ATAD2B: variants seen among roughly 807,000 people sequenced by gnomAD.
ATAD2B encodes ATPase family AAA domain containing 2B.
ATAD2B carries 40 observed loss-of-function variants against 167.6 expected under a neutral mutation model. The observed-to-expected ratio is 0.24, with a 90% CI of 0.19 to 0.31. The LOEUF (loss-of-function observed/expected upper bound fraction) is 0.31, where lower values mean the gene tolerates loss of function less well. Among genes scored for constraint, ATAD2B ranks in the 10% least tolerant of loss-of-function variants. The pLI is 1.00. For synonymous variants in ATAD2B, 579 were observed against 596.5 expected, an observed-to-expected ratio of 0.97 and a Z score of 0.43; for missense variants, 1,242 against 1,757.2, an observed-to-expected ratio of 0.71 and a Z score of 5.24.
chr2:23,737,606 A>G, the ATAD2B span, among the ~76,000 whole-genome samples: 2 of 152,226 alleles, frequency 1.3e-5, no homozygotes, highest in Non-Finnish European at 2.9e-5. Context: ...GAAAAAACAG[A>G]GCAGGAAAAC....
chr2:23,823,111 C>T (rs1314193417), intron 16 of ATAD2B, 147 bp downstream of exon 16: 4 of 700,042 alleles, frequency 5.7e-6, no homozygotes, highest in Non-Finnish European at 9.3e-6. Context: ...TACCATATGC[C>T]AGGCAATATG....
At chr2:23,836,892 T>C (rs996184624) in intron 13 of ATAD2B, among the ~76,000 whole-genome samples, 1 of 152,074 alleles carries the variant, frequency 6.6e-6, no homozygotes, top group Non-Finnish European at 1.5e-5. Context: ...GGGGTGGCCA[T>C]GGGCAGGCCC....
chr2:23,917,987 G>A (rs1703300054), intron 1 of ATAD2B, among the ~76,000 whole-genome samples: 1 of 151,562 alleles, frequency 6.6e-6, no homozygotes, highest in African/African-American at 2.4e-5. Context: ...GAACGCCAGA[G>A]GCAGAGGTTA....
chr2:23,688,962 AAGG>A, the ATAD2B span: 7 of 152,338 alleles, frequency 4.6e-5, no homozygotes, highest in African/African-American at 1.7e-4. Context: ...GAAGAGGCCT[AAGG>A]AGCACTGGGG....
chr2:23,879,362 C>T (rs759162291), intron 7 of ATAD2B, among the ~76,000 whole-genome samples: 1 of 151,970 alleles, frequency 6.6e-6, no homozygotes, highest in Non-Finnish European at 1.5e-5. Flanking sequence ...CATCACAGTG[C>T]TTTGGAAGGC....
chr2:23,860,491 G>T lies in ATAD2B; in HGVS notation c.1479+2890C>A, dbSNP rs1260235392. Among the ~76,000 whole-genome samples the T allele has an allele frequency of 2.8e-4, 42 of 152,076 alleles. 1 individual carries two copies. Among genetic ancestry groups the T allele is most frequent in the Non-Finnish European group, 1.5e-5 (1 of 68,024 alleles). On this transcript the variant is annotated intron_variant, in intron 12 of 27. Coordinates refer to ENST00000238789, the MANE Select transcript of ATAD2B (RefSeq NM_017552.4). ...AGAAAGAATCTGATTTAAGATGAAT[G>T]AATATTAGATAACAAATGAGAAGTT... is the stretch of plus-strand genomic sequence containing the variant.
intron 1 of ATAD2B, among the ~76,000 whole-genome samples, chr2:23,896,525 A>T (rs1168484927): frequency 3.3e-5 from 5 of 152,110 alleles, no homozygotes. Context: ...GTGTGTTCTT[A>T]AACGTTTGGT....
the ATAD2B span, among the ~76,000 whole-genome samples, chr2:23,699,809 C>T: frequency 1.3e-5 from 2 of 152,210 alleles, no homozygotes; most frequent in African/African-American, 2.4e-5. Context: ...CACTGCAAGG[C>T]AGCCTTTCTG....
intron 27 of ATAD2B, among the ~76,000 whole-genome samples, chr2:23,753,058 G>A (rs1675539864): frequency 1.3e-5 from 2 of 152,152 alleles, no homozygotes; most frequent in South Asian, 4.2e-4. Context: ...TTATTCAGGT[G>A]GGCAAATGTC....
intron 19 of ATAD2B, among the ~76,000 whole-genome samples, chr2:23,790,965 C>T (rs1386910155): frequency 6.6e-6 from 1 of 152,200 alleles, no homozygotes; most frequent in Non-Finnish European, 1.5e-5. Context: ...TCAATCCCCA[C>T]TCCCACTCCC....
chr2:23,866,821 T>C (rs1210163581), intron 10 of ATAD2B, among the ~76,000 whole-genome samples: 3 of 152,232 alleles, frequency 2.0e-5, no homozygotes, highest in African/African-American at 4.8e-5. Context: ...AATTATGTTG[T>C]ATAGAGAGAT....
At chr2:23,801,771 T>C (rs913128722) in intron 18 of ATAD2B, among the ~76,000 whole-genome samples, 5 of 152,044 alleles carry the variant, frequency 3.3e-5, no homozygotes, top group Non-Finnish European at 7.4e-5. Flanking sequence ...ATTAAAGATA[T>C]TAAAGGCAAA....
chr2:23,725,298 CAA>C, the ATAD2B span, among the ~76,000 whole-genome samples: 4 of 152,094 alleles, frequency 2.6e-5, no homozygotes, highest in East Asian at 5.8e-4. Context: ...AGACCTTCTC[CAA>C]AAGAGATGCT....
At chr2:23,745,422 A>AAGGAAGAAAGGAAAGGGAAGGGAAGGG (rs1491261605), downstream of ATAD2B, among the ~76,000 whole-genome samples, 225 of 85,062 alleles carry the variant, frequency 2.6e-3, 5 homozygotes, top group Middle Eastern at 0.012. Context: ...GGAAGGAAGG[A>AAGGAAGAAAGGAAAGGGAAGGGAAGGG]AAGGGAAGGG....
intron 22 of ATAD2B, among the ~76,000 whole-genome samples, chr2:23,766,023 C>A (rs992952586): frequency 6.6e-6 from 1 of 152,152 alleles, no homozygotes; most frequent in Non-Finnish European, 1.5e-5. Context: ...TCAAAAAAAT[C>A]TTAAATTTCT....
chr2:23,781,301 A>G (rs1430173450), intron 22 of ATAD2B, among the ~76,000 whole-genome samples: 2 of 152,080 alleles, frequency 1.3e-5, no homozygotes, highest in East Asian at 3.9e-4. Context: ...GTCTAAACAC[A>G]GACAAAACAT....
chr2:23,912,846 G>T (rs1307709657), intron 1 of ATAD2B, among the ~76,000 whole-genome samples: 2 of 151,850 alleles, frequency 1.3e-5, no homozygotes, highest in Non-Finnish European at 2.9e-5. Flanking sequence ...ACAAAAATTA[G>T]CCAGGCATGC....
chr2:23,743,345 T>A, the ATAD2B span, among the ~76,000 whole-genome samples: 2 of 152,148 alleles, frequency 1.3e-5, no homozygotes, highest in East Asian at 3.9e-4. Context: ...GGCAGGTGGA[T>A]CATTTGAGGT....
chr2:23,788,447 A>T, intron 20 of ATAD2B, 65 bp downstream of exon 20: 2 of 1,524,604 alleles, frequency 1.3e-6, no homozygotes, highest in Non-Finnish European at 1.8e-6. Flanking sequence ...AAATAAACTG[A>T]CTCCAAGAAA....
Sources: gnomAD v4.1 joint callset for allele counts (sites outside exome capture counted in the v4.1 genomes callset) on GRCh38, gnomAD v4.1.1 for gene constraint, MANE v1.5 for transcripts, NCBI Gene and HGNC (gene_info 2026-07-23, HGNC 2026-07-21) for gene names.